Variants in FREM3 observed in about 807,000 individuals in gnomAD.
FREM3 encodes FRAS1-related extracellular matrix protein 3.
A neutral mutation model predicts 129.1 loss-of-function variants in FREM3; 105 were observed. The observed-to-expected ratio is 0.81, with a 90% CI of 0.69 to 0.96. The LOEUF (loss-of-function observed/expected upper bound fraction) is 0.96. FREM3 is among the 40% of genes least tolerant of loss of function. FREM3 has a pLI of 0.00. For missense variants in FREM3, 2,593 were observed against 2,666.3 expected, an observed-to-expected ratio of 0.97 and a Z score of 0.61; for synonymous variants, 1,014 against 1,044.9, an observed-to-expected ratio of 0.97 and a Z score of 0.57.
In FREM3 at chr4:143,657,996, C is replaced by T. The variant is rs78248064; in HGVS notation, c.5276-30236G>A. Among the ~76,000 whole-genome samples the T allele has an allele frequency of 4.1e-3, 623 of 152,304 alleles. 6 individuals carry two copies. The highest frequency in any genetic ancestry group is 0.014 in the African/African-American group (576 of 41,552). On this transcript the variant is annotated intron_variant, in intron 2 of 7. Coordinates refer to ENST00000329798, the MANE Select transcript of FREM3 (RefSeq NM_001168235.2). ...TTTATTTAATAAAAAAATCAATCCA[C>T]TTCTCTCCACCCTTATTGCCACCAC... is the stretch of plus-strand genomic sequence containing the variant.
intron 2 of FREM3, among the ~76,000 whole-genome samples, chr4:143,660,326 T>C (rs1032748357): frequency 1.3e-5 from 2 of 152,160 alleles, no homozygotes; most frequent in African/African-American, 4.8e-5. Flanking sequence ...CCCAGCACCA[T>C]TTATTAAATG....
intron 1 of FREM3, among the ~76,000 whole-genome samples, chr4:143,695,117 C>T (rs1423402843): frequency 6.6e-6 from 1 of 152,200 alleles, no homozygotes; most frequent in African/African-American, 2.4e-5. Context: ...CCTGGACTTA[C>T]TAATAACTAT....
chr4:143,690,848 G>A (rs1212196231), intron 2 of FREM3, among the ~76,000 whole-genome samples: 3 of 152,090 alleles, frequency 2.0e-5, no homozygotes, highest in Non-Finnish European at 4.4e-5. Flanking sequence ...TACATGGAAG[G>A]CAACTGAAAA....
At chr4:143,669,204 C>T (rs1345623161) in intron 2 of FREM3, among the ~76,000 whole-genome samples, 1 of 152,132 alleles carries the variant, frequency 6.6e-6, no homozygotes, top group Non-Finnish European at 1.5e-5. Flanking sequence ...GGCCTGTGAA[C>T]CAGAAAAAAT....
chr4:143,652,353 G>A (rs1256505586), intron 2 of FREM3, among the ~76,000 whole-genome samples: 2 of 59,308 alleles, frequency 3.4e-5, no homozygotes, highest in African/African-American at 8.9e-5. Context: ...TAGTAGAGAC[G>A]GGGTTTCACC....
rs183409895 is a variant in FREM3, at chr4:143,630,137, C to G, written c.5276-2377G>C. Among the ~76,000 whole-genome samples the G allele has an allele frequency of 4.6e-5, 7 of 152,190 alleles. No homozygotes were observed. The East Asian group carries it at 1.4e-3, about 29-fold the overall frequency. On this transcript the variant is annotated intron_variant, in intron 2 of 7. Transcript: ENST00000329798. Reference sequence around the variant, plus strand: ...TGAACAAATTATGGATCTTCAGTTTCTTCATCTGTAAATGTGATAATAGCA... The same window carrying G: ...TGAACAAATTATGGATCTTCAGTTTGTTCATCTGTAAATGTGATAATAGCA...
At chr4:143,640,156 C>T (rs79997872) in intron 2 of FREM3, among the ~76,000 whole-genome samples, 2 of 152,224 alleles carry the variant, frequency 1.3e-5, no homozygotes, top group East Asian at 3.9e-4. Context: ...CCTTTTTGCA[C>T]CTCTCAGGGT....
intron 1 of FREM3, among the ~76,000 whole-genome samples, chr4:143,695,177 T>C (rs1740542419): frequency 6.6e-6 from 1 of 152,256 alleles, no homozygotes; most frequent in Non-Finnish European, 1.5e-5. Context: ...AATCTGATAT[T>C]ATCAGAATTA....
intron 2 of FREM3, among the ~76,000 whole-genome samples, chr4:143,690,221 T>A (rs1426075763): frequency 6.6e-6 from 1 of 152,116 alleles, no homozygotes; most frequent in Non-Finnish European, 1.5e-5. Context: ...ATGCCATCAT[T>A]ATCTTCAGCT....
Position 143,695,892 on chromosome 4 carries a change from G to A in FREM3, c.4784C>T (p.Thr1595Ile), listed in dbSNP as rs1236378754. ...CTTGTTCAGGTCTTGCTTGGTGAAA[G>A]TGGTCACGGGACGGCTACCATTGTA... ...ILYNGSRPVTTFTKQDLNKNL... is the reference protein window; with the variant it reads ...ILYNGSRPVTIFTKQDLNKNL... The change falls in exon 1 of 8, where the codon ACT (threonine) becomes ATT (isoleucine). Residue 1595 changes from threonine to isoleucine, a missense_variant. Physicochemically the swap from Thr to Ile is moderately conservative, Grantham distance 89. Around this residue, in one of 2 missense-constraint regions of FREM3, gnomAD observed 2,276 missense variants for 2,267.2 expected, o/e 1.00. Coordinates refer to ENST00000329798, the MANE Select transcript of FREM3 (RefSeq NM_001168235.2). 6.5e-7 allele frequency: 1 copy of A among 1,537,648 alleles called. No homozygotes were observed. Among genetic ancestry groups the A allele is most frequent in the African/African-American group, 1.4e-5 (1 of 73,158 alleles).
chr4:143,593,379 G>T (rs1029768428), intron 6 of FREM3, among the ~76,000 whole-genome samples: 3 of 152,112 alleles, frequency 2.0e-5, no homozygotes, highest in African/African-American at 7.2e-5. Context: ...TCTACCTTTG[G>T]TCTTTGATGA....
chr4:143,665,604 A>T (rs1281198333), intron 2 of FREM3, among the ~76,000 whole-genome samples: 1 of 152,118 alleles, frequency 6.6e-6, no homozygotes, highest in Non-Finnish European at 1.5e-5. Flanking sequence ...AAGTTGGGCA[A>T]GTGGTTAAGG....
intron 5 of FREM3, among the ~76,000 whole-genome samples, chr4:143,616,758 A>G (rs1220796067): frequency 6.6e-6 from 1 of 150,682 alleles, no homozygotes; most frequent in Non-Finnish European, 1.5e-5. Context: ...GCGACACTGC[A>G]CTCCAGCCTG....
At chr4:143,678,373 A>T (rs1416776723) in intron 2 of FREM3, among the ~76,000 whole-genome samples, 2 of 152,026 alleles carry the variant, frequency 1.3e-5, no homozygotes, top group African/African-American at 4.8e-5. Flanking sequence ...GGGGAACATC[A>T]CACACCGGGG....
chr4:143,609,051 G>A (rs1738712730), intron 6 of FREM3, among the ~76,000 whole-genome samples: 1 of 152,084 alleles, frequency 6.6e-6, no homozygotes, highest in African/African-American at 2.4e-5. Context: ...AATTATGGAG[G>A]GAAAGGGTTC....
intron 2 of FREM3, among the ~76,000 whole-genome samples, chr4:143,641,861 A>T (rs1397395319): frequency 1.3e-5 from 2 of 152,182 alleles, no homozygotes; most frequent in African/African-American, 4.8e-5. Context: ...GGTTCCACTA[A>T]AGCAATAAAC....
At chr4:143,626,070 C>T (rs1302324606) in intron 3 of FREM3, among the ~76,000 whole-genome samples, 1 of 152,078 alleles carries the variant, frequency 6.6e-6, no homozygotes, top group African/African-American at 2.4e-5. Context: ...GACTATTAGC[C>T]TGGGGTGGAG....
At chr4:143,694,189 T>G (rs1309111269) in intron 1 of FREM3, among the ~76,000 whole-genome samples, 4 of 152,208 alleles carry the variant, frequency 2.6e-5, no homozygotes, top group Non-Finnish European at 5.9e-5. Context: ...AGTGCTACTA[T>G]GTGCATATTC....
At position 143,602,875 on chromosome 4, in the gene FREM3, C is replaced by T. The variant is rs562774025; in HGVS notation, c.6028+8404G>A. Among the ~76,000 whole-genome samples the T allele has an allele frequency of 1.3e-4, 20 of 152,298 alleles. No individual in the cohort carries two copies. In the South Asian group the frequency reaches 3.9e-3, roughly 30 times the overall value. On this transcript the variant is annotated intron_variant, in intron 6 of 7. Coordinates refer to ENST00000329798, the MANE Select transcript of FREM3 (RefSeq NM_001168235.2). Reference sequence around the variant, plus strand: ...GGAAAAATGGGTTGCCTGTTTCTAGCTATCTTAAGACAAAAGGTATTCTGA... The same window carrying T: ...GGAAAAATGGGTTGCCTGTTTCTAGTTATCTTAAGACAAAAGGTATTCTGA...
Sources: gnomAD v4.1 joint callset for allele counts (sites outside exome capture counted in the v4.1 genomes callset) on GRCh38, gnomAD v4.1.1 for gene constraint, gnomAD v4.1.1 regional missense constraint, MANE v1.5 for transcripts, NCBI Gene and HGNC (gene_info 2026-07-23, HGNC 2026-07-21) for gene names.